The following SERINC4 variants were observed in gnomAD, a reference collection of about 807,000 sequenced individuals.
SERINC4 encodes the protein serine incorporator 4.
In SERINC4, 52 loss-of-function variants were observed where a neutral mutation model predicts 52.0. The observed-to-expected ratio is 1.00, with a 90% CI of 0.80 to 1.26. SERINC4 has a LOEUF of 1.26. Ranked by LOEUF, SERINC4 falls within the 50% of genes most tolerant of loss-of-function variation. The pLI is 0.00. For missense variants in SERINC4, 723 were observed against 632.8 expected (o/e 1.14, Z -1.53); for synonymous variants, 264 against 247.7 (o/e 1.07, Z -0.62).
chr15:43,798,655 GT>G (rs2087258753), intron 3 of SERINC4, 151 bp from the exon 4 acceptor site: 10 of 664,348 alleles, frequency 1.5e-5, no homozygotes, highest in Middle Eastern at 3.0e-4. Context: ...ATGAGAGGGG[GT>G]TGGGACAGGC....
chr15:43,795,029 A>T lies in SERINC4; in HGVS notation c.1528T>A (p.Ser510Thr). ...ILRRRRHRII[S>T]PDNKYPPV ...ACTGGAGGATATTTGTTATCTGGGG[A>T]TATGATGCGGTGGCGGCGGCGCCTC... is the stretch of plus-strand genomic sequence containing the variant. Residue 510 changes from serine to threonine, a missense_variant, in exon 12 of 12, where the codon TCC becomes ACC. Ser to Thr is a moderately conservative substitution (Grantham distance 58, BLOSUM62 1). Transcript: ENST00000319327. The T allele has an allele frequency of 6.2e-7, 1 of 1,611,634 alleles. No individual in the cohort carries two copies. Among genetic ancestry groups the T allele is most frequent in the Non-Finnish European group, 8.5e-7 (1 of 1,179,474 alleles).
chr15:43,795,054 C>T lies in SERINC4; in HGVS notation c.1503G>A (p.Leu501=), dbSNP rs373214024. The change falls in exon 12 of 12, where the codon TTG becomes TTA. Residue 501 remains leucine, a synonymous_variant. Coordinates refer to ENST00000319327, the MANE Select transcript of SERINC4 (RefSeq NM_001258031.2). Reference sequence around the variant, plus strand: ...ATATGATGCGGTGGCGGCGGCGCCTCAAGATAAGGGGCTGGGGTTTCTGGG... The same window carrying T: ...ATATGATGCGGTGGCGGCGGCGCCTTAAGATAAGGGGCTGGGGTTTCTGGG... The part of the protein sequence containing the change: ...PPTQKPQPLI[L]RRRRHRIISP... 11 of 1,607,792 alleles carry T rather than the reference C, an allele frequency of 6.8e-6. No individual in the cohort carries two copies. Among genetic ancestry groups the T allele is most frequent in the Non-Finnish European group, 9.4e-6 (11 of 1,175,774 alleles).
Position 43,794,240 on chromosome 15 carries a change from C to G in SERINC4, c.*760G>C, listed in dbSNP as rs2141684555. ...ACTCCGGATATGCAGTAGAGGAATC[C>G]TCTAAGAACCATAGAGACTTCTTTT... On this transcript the variant is annotated 3_prime_UTR_variant, in exon 12 of 12. Coordinates refer to ENST00000319327, the MANE Select transcript of SERINC4 (RefSeq NM_001258031.2). 2.3e-6 allele frequency: 1 copy of G among 425,926 alleles called. No homozygotes were observed. The highest frequency in any genetic ancestry group is 3.8e-5 in the East Asian group (1 of 26,194). 26.4% of individuals were successfully genotyped at this position (425,926 alleles called of 1,614,324 possible).
Position 43,794,381 on chromosome 15 carries a change from G to A in SERINC4, c.*619C>T, listed in dbSNP as rs1286583590. The A allele has an allele frequency of 5.9e-6, 1 of 168,320 alleles. No individual in the cohort carries two copies. Among genetic ancestry groups the A allele is most frequent in the African/African-American group, 2.4e-5 (1 of 41,918 alleles). 10.4% of individuals were successfully genotyped at this position (168,320 alleles called of 1,614,324 possible). A position where few individuals can be genotyped will look rare whatever the true frequency, so the allele number is the denominator to read the frequency against. On this transcript the variant is annotated 3_prime_UTR_variant, in exon 12 of 12. Coordinates refer to ENST00000319327, the MANE Select transcript of SERINC4 (RefSeq NM_001258031.2). ...TTCCTCATTCTTCCTCAGTTTGTTC[G>A]TCTGCTTGAAAGTTGGCCAAAAAAT...
chr15:43,796,106 T>G, intron 9 of SERINC4, 49 bp downstream of exon 9: 1 of 1,335,704 alleles, frequency 7.5e-7, no homozygotes, highest in Middle Eastern at 1.9e-4. Context: ...GTGTGTGTCT[T>G]TGTGTGGGGG....
chr15:43,799,862 C>A, intron 1 of SERINC4, 23 bp downstream of exon 1: 1 of 1,510,826 alleles, frequency 6.6e-7, no homozygotes, highest in Admixed American at 2.1e-5. Context: ...GCTTCGGCCA[C>A]TCTCCCCTTC....
chr15:43,799,302 T>G lies in SERINC4; in HGVS notation c.279+8A>C, dbSNP rs2087273457. 1 of 1,550,012 alleles carries G rather than the reference T, an allele frequency of 6.5e-7. No homozygotes were observed. Among genetic ancestry groups the G allele is most frequent in the Admixed American group, 2.0e-5 (1 of 51,002 alleles). On this transcript the variant is annotated splice_region_variant and intron_variant, in intron 2 of 11. Transcript: ENST00000319327. Reference sequence around the variant, plus strand: ...TCCCACCTGACAACCCGACCCCCTCTCACTTACCCTGTGTGTCTTGCCCCA... The same window carrying G: ...TCCCACCTGACAACCCGACCCCCTCGCACTTACCCTGTGTGTCTTGCCCCA...
intron 5 of SERINC4, chr15:43,797,582 G>C (rs1198725220): frequency 1.9e-6 from 1 of 533,364 alleles, no homozygotes; most frequent in Non-Finnish European, 3.4e-6. Context: ...TACTAGAGAT[G>C]GGGTTTCACC....
Position 43,796,868 on chromosome 15 carries a change from A to C in SERINC4, c.917T>G (p.Leu306Arg), listed in dbSNP as rs2087226845. ...ACCTCTCTCTGGAGGACGGCTGGAC[A>C]GTGCAGAGAAAGTCAGATACATGAT... ...CYIMYLTFSA[L>R]SSRPPERVIL... Residue 306 changes from leucine (L) to arginine (R), a missense_variant, in exon 7 of 12, where the codon CTG (leucine) becomes CGG (arginine). Physicochemically the swap from Leu to Arg is moderately radical, Grantham distance 102. Coordinates refer to ENST00000319327, the MANE Select transcript of SERINC4 (RefSeq NM_001258031.2). The C allele has an allele frequency of 6.2e-7, 1 of 1,614,028 alleles. No homozygotes were observed. Among genetic ancestry groups the C allele is most frequent in the South Asian group, 1.1e-5 (1 of 91,082 alleles).
Position 43,794,330 on chromosome 15 carries a change from C to T in SERINC4, c.*670G>A. 1 of 210,446 alleles carries T rather than the reference C, an allele frequency of 4.8e-6. No individual in the cohort carries two copies. The highest frequency in any genetic ancestry group is 9.5e-6 in the Non-Finnish European group (1 of 105,346). The allele number at this position is 210,446 out of a possible 1,614,324, so 13.0% of individuals were successfully genotyped here. A position where few individuals can be genotyped will look rare whatever the true frequency, so the allele number is the denominator to read the frequency against. On this transcript the variant is annotated 3_prime_UTR_variant, in exon 12 of 12. Transcript: ENST00000319327. The stretch of plus-strand genomic sequence containing the variant: ...GATGGAGTTGGCCTAAGAGTGAATG[C>T]TGCAAGATCTGTGTTTATGCCTCTT...
Position 43,800,214 on chromosome 15 carries a change from G to C in SERINC4, c.-228C>G, listed in dbSNP as rs1290886565. The C allele has an allele frequency of 3.7e-5, 22 of 589,296 alleles. No individual in the cohort carries two copies. Among genetic ancestry groups the C allele is most frequent in the Non-Finnish European group, 6.0e-5 (20 of 332,416 alleles). The allele number at this position is 589,296 out of a possible 1,614,324, so 36.5% of individuals were successfully genotyped here. A position where few individuals can be genotyped will look rare whatever the true frequency, so the allele number is the denominator to read the frequency against. ...CCTCAACACTGCGGCCACTCAGGCTGTTCTCTCCAGATTAGGGGGCAGTTT... is the reference window on the plus strand; with the variant it reads ...CCTCAACACTGCGGCCACTCAGGCTCTTCTCTCCAGATTAGGGGGCAGTTT... On this transcript the variant is annotated 5_prime_UTR_variant, in exon 1 of 12. Coordinates refer to ENST00000319327, the MANE Select transcript of SERINC4 (RefSeq NM_001258031.2).
chr15:43,797,129 T>C lies in SERINC4; in HGVS notation c.844+16A>G. On this transcript the variant is annotated intron_variant, in intron 6 of 11. Coordinates refer to ENST00000319327, the MANE Select transcript of SERINC4 (RefSeq NM_001258031.2). The stretch of plus-strand genomic sequence containing the variant: ...AAGGCCCCCAAAACCTGGAATGCTG[T>C]AGGACATGTACCCACTGAGGCGGAT... 6.5e-7 allele frequency: 1 copy of C among 1,549,734 alleles called. No individual in the cohort carries two copies. The highest frequency in any genetic ancestry group is 8.7e-7 in the Non-Finnish European group (1 of 1,145,574).
Position 43,795,535 on chromosome 15 carries a change from C to G in SERINC4, c.1196G>C (p.Arg399Thr). ...GTCAGCTGGCCTCGCAGCCCCACCC[C>G]TTTGCCCTGGAGAGAGGAAATGGCT... is the stretch of plus-strand genomic sequence containing the variant. ...PETVEADKGQ[R>T]GGAARPADQE... is the part of the protein sequence containing the mutation. Residue 399 changes from arginine to threonine, a missense_variant, in exon 11 of 12, where the codon AGG becomes ACG. Physicochemically the swap from Arg to Thr is moderately conservative, Grantham distance 71. Transcript: ENST00000319327. The G allele has an allele frequency of 1.2e-6, 2 of 1,614,174 alleles. No individual in the cohort carries two copies. Among genetic ancestry groups the G allele is most frequent in the Non-Finnish European group, 1.7e-6 (2 of 1,180,026 alleles).
chr15:43,796,871 G>A lies in SERINC4; in HGVS notation c.914C>T (p.Ala305Val), dbSNP rs1348271691. 1 of 1,614,110 alleles carries A rather than the reference G, an allele frequency of 6.2e-7. No individual in the cohort carries two copies. The highest frequency in any genetic ancestry group is 8.5e-7 in the Non-Finnish European group (1 of 1,179,958). The change falls in exon 7 of 12, where the codon GCA (alanine) becomes GTA (valine). Residue 305 changes from alanine to valine, a missense_variant. Transcript: ENST00000319327. ...SCYIMYLTFS[A>V]LSSRPPERVI... is the part of the protein sequence containing the mutation. Reference sequence around the variant, plus strand: ...TCTCTCTGGAGGACGGCTGGACAGTGCAGAGAAAGTCAGATACATGATATA... The same window carrying A: ...TCTCTCTGGAGGACGGCTGGACAGTACAGAGAAAGTCAGATACATGATATA...
rs2087245136 is a variant in SERINC4 at position 43,797,905 on chromosome 15, T to A, written c.632+15A>T. On this transcript the variant is annotated intron_variant, in intron 5 of 11. Transcript: ENST00000319327. The stretch of plus-strand genomic sequence containing the variant: ...ACCTCCCCAGGAAAAGCCTTTAGGG[T>A]TATGTGCCCCTTACCAGTTCTTGTT... The A allele has an allele frequency of 6.3e-7, 1 of 1,594,476 alleles. No homozygotes were observed. Among genetic ancestry groups the A allele is most frequent in the African/African-American group, 1.3e-5 (1 of 74,448 alleles).
At chr15:43,795,803 C>T (rs1274979494) in intron 9 of SERINC4, 67 bp from the exon 10 acceptor site, 9 of 1,534,648 alleles carry the variant, frequency 5.9e-6, no homozygotes, top group Non-Finnish European at 8.0e-6. Context: ...TAGGAAACTT[C>T]CCCCGTGAAA....
rs769878759 is a variant in SERINC4 at position 43,796,662 on chromosome 15, C to G, written c.1021G>C (p.Ala341Pro). Residue 341 changes from alanine (A) to proline (P), a missense_variant, in exon 8 of 12, where the codon GCA becomes CCA. Physicochemically the swap from Ala to Pro is conservative, Grantham distance 27. Transcript: ENST00000319327. ...MEPQTPDISL[A>P]MLSASIMYAC... is the part of the protein sequence containing the mutation. The stretch of plus-strand genomic sequence containing the variant: ...TACATGATGCTAGCACTCAGCATTG[C>G]TAGAGAGATATCTGGTGTTTGGGGT... 1.2e-6 allele frequency: 2 copies of G among 1,614,092 alleles called. No homozygotes were observed. Among genetic ancestry groups the G allele is most frequent in the South Asian group, 1.1e-5 (1 of 91,082 alleles).
Position 43,799,144 on chromosome 15 carries a change from G to A in SERINC4, c.280-7C>T, listed in dbSNP as rs2087269192. On this transcript the variant is annotated splice_region_variant and splice_polypyrimidine_tract_variant and intron_variant, in intron 2 of 11. Coordinates refer to ENST00000319327, the MANE Select transcript of SERINC4 (RefSeq NM_001258031.2). The stretch of plus-strand genomic sequence containing the variant: ...ACCCCGAGGGCATCTGGATCTGGGA[G>A]TGTGTGTGAGAGAAATGGCAGGACA... 6.5e-7 allele frequency: 1 copy of A among 1,545,488 alleles called. No homozygotes were observed. Among genetic ancestry groups the A allele is most frequent in the African/African-American group, 1.4e-5 (1 of 72,982 alleles).
chr15:43,797,591 C>T (rs1286533964), intron 5 of SERINC4: 1 of 523,520 alleles, frequency 1.9e-6, no homozygotes, highest in East Asian at 3.5e-5. Context: ...TGGGGTTTCA[C>T]CATGTTGGCC....
Sources: allele counts gnomAD v4.1 joint callset, GRCh38; gene constraint gnomAD v4.1.1; transcripts MANE v1.5; gene names NCBI Gene and HGNC (gene_info 2026-07-23, HGNC 2026-07-21).